Variants in SCAF8 observed in about 807,000 individuals in gnomAD.
SCAF8 encodes the protein SR-related CTD associated factor 8.
Under a neutral mutation model 140.5 loss-of-function variants are expected in SCAF8, and 23 were observed. That is an observed-to-expected ratio of 0.16 (90% CI 0.12 to 0.23). The LOEUF (loss-of-function observed/expected upper bound fraction) is 0.23, where lower values mean the gene tolerates loss of function less well. SCAF8 is among the 10% of genes least tolerant of loss of function. The probability of loss-of-function intolerance (pLI) is 1.00; values close to 1 mark genes in which losing one functional copy is unlikely to be tolerated. For missense variants in SCAF8, 1,397 were observed against 1,555.7 expected, an observed-to-expected ratio of 0.90 and a Z score of 1.72; for synonymous variants, 575 against 528.9, an observed-to-expected ratio of 1.09 and a Z score of -1.20.
intron 1 of SCAF8, among the ~76,000 whole-genome samples, chr6:154,763,207 G>C (rs1776456931): frequency 6.6e-6 from 1 of 151,530 alleles, no homozygotes; most frequent in Non-Finnish European, 1.5e-5. Context: ...TTTCTTTCTT[G>C]AGTTCTTTAT....
intron 3 of SCAF8, among the ~76,000 whole-genome samples, chr6:154,784,120 G>GAGAGAT (rs1362230678): frequency 1.4e-3 from 150 of 106,820 alleles, no homozygotes; most frequent in Non-Finnish European, 2.3e-3. Flanking sequence ...GGTGTCTTGA[G>GAGAGAT]ATATATATAT....
At chr6:154,780,406 A>G (rs1042716669) in intron 3 of SCAF8, among the ~76,000 whole-genome samples, 3 of 106,150 alleles carry the variant, frequency 2.8e-5, no homozygotes, top group African/African-American at 6.2e-5. Flanking sequence ...TGCAAAACAC[A>G]TAGGTTTGTT....
intron 5 of SCAF8, among the ~76,000 whole-genome samples, chr6:154,794,528 A>G (rs1777529699): frequency 6.6e-6 from 1 of 152,078 alleles, no homozygotes; most frequent in Admixed American, 6.5e-5. Flanking sequence ...TTCACAGTAT[A>G]GTTTATTATT....
chr6:154,763,852 T>C (rs902546134), intron 1 of SCAF8, among the ~76,000 whole-genome samples: 1 of 152,196 alleles, frequency 6.6e-6, no homozygotes, highest in Non-Finnish European at 1.5e-5. Flanking sequence ...CTGATTCATA[T>C]ACAAATTGTT....
rs1778808603 is a variant in SCAF8 at position 154,833,322 on chromosome 6, A to G, written c.3743A>G (p.Lys1248Arg). The G allele has an allele frequency of 1.2e-6, 2 of 1,613,926 alleles. No individual in the cohort carries two copies. Among genetic ancestry groups the G allele is most frequent in the African/African-American group, 2.7e-5 (2 of 74,946 alleles). ...CTGACATCTTCAAATGAAATAAACA[A>G]GGAGAAGAGTGACACAGTTGCTGAT... ...EKLTSSNEIN[K>R]EKSDTVADIE... Residue 1248 changes from lysine (K) to arginine (R), a missense_variant, in exon 20 of 20, where the codon AAG becomes AGG. This residue lies in a region of SCAF8 where 930 missense variants were observed against 874.6 expected (regional missense o/e 1.06). Transcript: ENST00000367178.
chr6:154,750,370 T>A (rs892524901), intron 1 of SCAF8, among the ~76,000 whole-genome samples: 4 of 152,142 alleles, frequency 2.6e-5, no homozygotes, highest in Non-Finnish European at 5.9e-5. Flanking sequence ...ACCGTGTAGT[T>A]GTTTAGGGTG....
intron 8 of SCAF8, among the ~76,000 whole-genome samples, chr6:154,804,927 TA>T (rs2114903862): frequency 6.6e-6 from 1 of 152,314 alleles, no homozygotes; most frequent in African/African-American, 2.4e-5. Context: ...ATATTAGTTT[TA>T]TAAATTTTAT....
intron 1 of SCAF8, among the ~76,000 whole-genome samples, chr6:154,768,595 C>A (rs1256349638): frequency 6.6e-6 from 1 of 152,122 alleles, no homozygotes; most frequent in Non-Finnish European, 1.5e-5. Flanking sequence ...GTGAATGGCG[C>A]TATGTATGTT....
rs1471759682 is a variant in SCAF8, at chr6:154,834,061, CAG to C, written c.*667_*668del. 1.1e-4 allele frequency: 16 copies of C among 152,164 alleles called. No homozygotes were observed. Among genetic ancestry groups the C allele is most frequent in the African/African-American group, 3.4e-4 (14 of 41,448 alleles). 9.4% of individuals were successfully genotyped at this position (152,164 alleles called of 1,614,324 possible). On this transcript the variant is annotated 3_prime_UTR_variant, in exon 20 of 20. Coordinates refer to ENST00000367178, the MANE Select transcript of SCAF8 (RefSeq NM_014892.5). ...CCAATAAAACTTATTTGTTTGATAACAGTGTTCTAGGAATTGTATTTTTTTAA... is the reference window on the plus strand; with the variant it reads ...CCAATAAAACTTATTTGTTTGATAACTGTTCTAGGAATTGTATTTTTTTAA...
chr6:154,764,828 G>T (rs751933562), intron 1 of SCAF8, among the ~76,000 whole-genome samples: 9 of 152,124 alleles, frequency 5.9e-5, no homozygotes, highest in Non-Finnish European at 1.2e-4. Context: ...GTAAAACCAT[G>T]ATTTTTTATC....
intron 1 of SCAF8, among the ~76,000 whole-genome samples, chr6:154,765,976 C>CT (rs1776551527): frequency 6.6e-6 from 1 of 152,062 alleles, no homozygotes; most frequent in South Asian, 2.1e-4. Flanking sequence ...TAATAATAGA[C>CT]TACTGTTGAC....
intron 3 of SCAF8, among the ~76,000 whole-genome samples, chr6:154,785,187 T>C (rs1303780639): frequency 6.6e-6 from 1 of 152,254 alleles, no homozygotes; most frequent in Admixed American, 6.5e-5. Flanking sequence ...TATTCATTAC[T>C]ATCTGTTGCT....
At chr6:154,769,777 A>AT (rs1427752535) in intron 1 of SCAF8, among the ~76,000 whole-genome samples, 1 of 152,148 alleles carries the variant, frequency 6.6e-6, no homozygotes, top group Non-Finnish European at 1.5e-5. Context: ...TCCTATATGT[A>AT]TTTGTTTATT....
chr6:154,740,292 C>T (rs973207798), intron 1 of SCAF8, among the ~76,000 whole-genome samples: 1 of 152,110 alleles, frequency 6.6e-6, no homozygotes, highest in Non-Finnish European at 1.5e-5. Flanking sequence ...TTACAGCATC[C>T]CTGGCCTCTA....
At chr6:154,740,864 C>A (rs1430655425) in intron 1 of SCAF8, among the ~76,000 whole-genome samples, 1 of 150,826 alleles carries the variant, frequency 6.6e-6, no homozygotes, top group South Asian at 2.1e-4. Context: ...AGAGACCTGC[C>A]CACCTTGACC....
At position 154,803,519 on chromosome 6, in the gene SCAF8, G is replaced by T. The variant is rs1225728838; in HGVS notation, c.784-25G>T. On this transcript the variant is annotated intron_variant, in intron 7 of 19. Coordinates refer to ENST00000367178, the MANE Select transcript of SCAF8 (RefSeq NM_014892.5). Reference sequence around the variant, plus strand: ...ATTTGTGTGAAGCACTTTTTAATATGTCTGTTTCTCCTTCTTTCCCCCAGA... The same window carrying T: ...ATTTGTGTGAAGCACTTTTTAATATTTCTGTTTCTCCTTCTTTCCCCCAGA... 3.2e-6 allele frequency: 5 copies of T among 1,555,770 alleles called. No individual in the cohort carries two copies. The South Asian group carries it at 3.4e-5, about 10-fold the overall frequency.
At chr6:154,799,597 T>C (rs1284348834) in intron 6 of SCAF8, among the ~76,000 whole-genome samples, 9 of 151,250 alleles carry the variant, frequency 6.0e-5, no homozygotes, top group Non-Finnish European at 1.2e-4. Context: ...TCTCACCTCT[T>C]TCTCCTGTAA....
intron 3 of SCAF8, among the ~76,000 whole-genome samples, chr6:154,779,475 A>G (rs768998558): frequency 1.3e-5 from 2 of 152,214 alleles, no homozygotes; most frequent in Non-Finnish European, 2.9e-5. Flanking sequence ...CAGCTCCTAG[A>G]TGATGTTTCT....
chr6:154,827,091 T>G, intron 17 of SCAF8, 81 bp from the exon 18 acceptor site: 1 of 1,137,386 alleles, frequency 8.8e-7, no homozygotes, highest in Non-Finnish European at 1.3e-6. Context: ...ATATGAAGTT[T>G]CATTTGTAGC....
Sources: allele counts gnomAD v4.1 joint callset (sites outside exome capture counted in the v4.1 genomes callset), GRCh38; gene constraint gnomAD v4.1.1; regional missense constraint gnomAD v4.1.1; transcripts MANE v1.5; gene names NCBI Gene and HGNC (gene_info 2026-07-23, HGNC 2026-07-21).